Variants in ZNF534 observed in about 807,000 individuals in gnomAD.
ZNF534 encodes zinc finger protein 534.
In ZNF534, 19 loss-of-function variants were observed where a neutral mutation model predicts 13.6. The ratio of observed to expected loss-of-function variants is 1.40; its 90% confidence interval spans 0.97 to 2.05. The LOEUF is 2.05. Among genes scored for constraint, ZNF534 ranks in the 30% most tolerant of loss-of-function variants. ZNF534 has a pLI of 0.00. For synonymous variants in ZNF534, 244 were observed against 273.8 expected (o/e 0.89, Z 1.07); for missense variants, 782 against 796.3 (o/e 0.98, Z 0.22).
At position 52,438,502 on chromosome 19, in the gene ZNF534, C is replaced by G; in HGVS notation, c.1042C>G (p.His348Asp). The change falls in exon 5 of 5, where the codon CAT becomes GAT. Residue 348 changes from histidine (H) to aspartate (D), a missense_variant. Coordinates refer to ENST00000433050, the MANE Select transcript of ZNF534 (RefSeq NM_001143938.3). ...KSSLTTHQTV[H>D]TGERPYKCNE... ...TTCCCTAACCACTCATCAGACAGTTCATACTGGAGAGAGACCATACAAATG... is the reference window on the plus strand; with the variant it reads ...TTCCCTAACCACTCATCAGACAGTTGATACTGGAGAGAGACCATACAAATG... The G allele has an allele frequency of 3.8e-6, 6 of 1,591,136 alleles. No homozygotes were observed. Among genetic ancestry groups the G allele is most frequent in the Non-Finnish European group, 3.4e-6 (4 of 1,167,978 alleles).
chr19:52,429,877 G>T (rs2059075576), intron 1 of ZNF534, among the ~76,000 whole-genome samples: 1 of 151,890 alleles, frequency 6.6e-6, no homozygotes, highest in Admixed American at 6.6e-5. Flanking sequence ...TTACAGGCAT[G>T]AGCCACCGTA....
In ZNF534 at chr19:52,439,029, T is replaced by C. The variant is rs1164063881; in HGVS notation, c.1569T>C (p.Ser523=). 1 of 1,594,724 alleles carries C rather than the reference T, an allele frequency of 6.3e-7. No individual in the cohort carries two copies. The highest frequency in any genetic ancestry group is 8.5e-7 in the Non-Finnish European group (1 of 1,171,160). ...RDIHTGEKPY[S]CNECGKVFRR... ...TTCATACTGGAGAGAAGCCTTACAG[T>C]TGTAATGAATGTGGCAAGGTCTTCC... The change falls in exon 5 of 5, where the codon AGT becomes AGC. Residue 523 remains serine (S), a synonymous_variant. Transcript: ENST00000433050.
chr19:52,434,487 G>A lies in ZNF534; in HGVS notation c.142+406G>A, dbSNP rs112332340. Among the ~76,000 whole-genome samples the A allele has an allele frequency of 3.9e-3, 300 of 76,444 alleles. 3 individuals carry two copies. The highest frequency in any genetic ancestry group is 0.013 in the African/African-American group (241 of 19,268). 50.2% of individuals were successfully genotyped at this position (76,444 alleles called of 152,430 possible). A position where few individuals can be genotyped will look rare whatever the true frequency, so the allele number is the denominator to read the frequency against. On this transcript the variant is annotated intron_variant, in intron 3 of 4. Coordinates refer to ENST00000433050, the MANE Select transcript of ZNF534 (RefSeq NM_001143938.3). ...CTCAAAAAAAAAAAAAAAAAAAAAA[G>A]AAATGAAAAGCATTATGCTTTCTGA...
intron 1 of ZNF534, among the ~76,000 whole-genome samples, chr19:52,429,955 C>CT (rs796302296): frequency 0.035 from 5,120 of 144,674 alleles, 273 homozygotes; most frequent in African/African-American, 0.12. Context: ...TCATGTAACC[C>CT]TTTTTTTTTT....
intron 2 of ZNF534, among the ~76,000 whole-genome samples, chr19:52,433,212 C>T (rs1216508689): frequency 8.6e-6 from 1 of 116,474 alleles, no homozygotes; most frequent in Non-Finnish European, 1.6e-5. Context: ...GCACTCCAGT[C>T]TGGGAAACAG....
chr19:52,439,050 C>G lies in ZNF534; in HGVS notation c.1590C>G (p.Val530=), dbSNP rs769970468. The G allele has an allele frequency of 1.1e-5, 17 of 1,596,668 alleles. No homozygotes were observed. In the East Asian group the frequency reaches 2.5e-4, roughly 24 times the overall value. Residue 530 remains valine (V), a synonymous_variant, in exon 5 of 5, where the codon GTC becomes GTG. Transcript: ENST00000433050. ...KPYSCNECGK[V]FRRNSHLVRH... ...ACAGTTGTAATGAATGTGGCAAGGT[C>G]TTCCGTCGGAATTCACACCTTGTGC...
rs904223262 is a variant in ZNF534, at chr19:52,435,222, G to A, written c.271+13G>A. 6.3e-7 allele frequency: 1 copy of A among 1,597,794 alleles called. No homozygotes were observed. The highest frequency in any genetic ancestry group is 8.5e-7 in the Non-Finnish European group (1 of 1,173,222). On this transcript the variant is annotated intron_variant, in intron 4 of 4. Coordinates refer to ENST00000433050, the MANE Select transcript of ZNF534 (RefSeq NM_001143938.3). ...GGTGTGAACACAGGTGAGAGCTCAGGTGGGCAGAGTGGAGGCCCCATAATT... is the reference window on the plus strand; with the variant it reads ...GGTGTGAACACAGGTGAGAGCTCAGATGGGCAGAGTGGAGGCCCCATAATT...
downstream of ZNF534, among the ~76,000 whole-genome samples, chr19:52,443,288 T>C (rs751200444): frequency 6.6e-6 from 1 of 152,182 alleles, no homozygotes; most frequent in Non-Finnish European, 1.5e-5. Context: ...TTCTTATGTT[T>C]GGATGTCTAG....
Position 52,432,490 on chromosome 19 carries a change from T to C in ZNF534, c.15+1001T>C, listed in dbSNP as rs116906964. Among the ~76,000 whole-genome samples, 87 of 152,308 alleles carry C rather than the reference T, an allele frequency of 5.7e-4. 2 individuals carry two copies. The East Asian group carries it at 0.015, about 26-fold the overall frequency. ...TTAGTAAGATAGGAGCAGATTATTC[T>C]TTCATTGGCTTTTGTTGCTGTACCA... is the stretch of plus-strand genomic sequence containing the variant. On this transcript the variant is annotated intron_variant, in intron 2 of 4. Coordinates refer to ENST00000433050, the MANE Select transcript of ZNF534 (RefSeq NM_001143938.3).
At position 52,434,060 on chromosome 19, in the gene ZNF534, T is replaced by A; in HGVS notation, c.121T>A (p.Tyr41Asn). 6.2e-7 allele frequency: 1 copy of A among 1,614,142 alleles called. No homozygotes were observed. Among genetic ancestry groups the A allele is most frequent in the Non-Finnish European group, 8.5e-7 (1 of 1,180,028 alleles). The change falls in exon 3 of 5, where the codon TAC becomes AAC. Residue 41 changes from tyrosine (Y) to asparagine (N), a missense_variant. This residue lies in a region of ZNF534 where 81 missense variants were observed against 63.5 expected (regional missense o/e 1.28). Coordinates refer to ENST00000433050, the MANE Select transcript of ZNF534 (RefSeq NM_001143938.3). ...ATACAGGGACGTGATGTTAGAGAAC[T>A]ACAGGAACCTGGTCTCCCTAGGTGA... ...ALYRDVMLENYRNLVSLGICL... is the reference protein window; with the variant it reads ...ALYRDVMLENNRNLVSLGICL...
chr19:52,430,748 A>G (rs552648938), intron 1 of ZNF534, among the ~76,000 whole-genome samples: 2 of 151,700 alleles, frequency 1.3e-5, no homozygotes, highest in South Asian at 4.2e-4. Flanking sequence ...GGGTTTCACC[A>G]TCTTGGCCAG....
At chr19:52,434,483 AAAAG>A (rs1365427084) in intron 3 of ZNF534, among the ~76,000 whole-genome samples, 14 of 145,988 alleles carry the variant, frequency 9.6e-5, no homozygotes, top group African/African-American at 3.8e-4. Flanking sequence ...AAAAAAAAAA[AAAAG>A]AAATGAAAAG....
chr19:52,432,697 A>G (rs2059095954), intron 2 of ZNF534, among the ~76,000 whole-genome samples: 1 of 151,840 alleles, frequency 6.6e-6, no homozygotes, highest in African/African-American at 2.4e-5. Flanking sequence ...CAATGATGCA[A>G]TCTCGGCTCA....
chr19:52,441,692 T>G lies in ZNF534; in HGVS notation c.*2246T>G, dbSNP rs2059173586. 6.6e-6 allele frequency among the ~76,000 whole-genome samples: 1 copy of G among 152,214 alleles called. No homozygotes were observed. The highest frequency in any genetic ancestry group is 1.5e-5 in the Non-Finnish European group (1 of 68,042). ...ATACTGCAGACAAACCTTACAACTG[T>G]AATGAATGTGGCAAGGTCTCAAATT... On this transcript the variant is annotated 3_prime_UTR_variant, in exon 5 of 5. Transcript: ENST00000433050.
chr19:52,451,915 G>T, exon 5 of ZNF534: 1 of 529,126 alleles, frequency 1.9e-6, no homozygotes, highest in South Asian at 1.9e-5. Flanking sequence ...AGGGGATCAG[G>T]AGGTTTTGGC....
rs2059171684 is a variant in ZNF534 at position 52,441,352 on chromosome 19, C to T, written c.*1906C>T. ...TAACATAAGGACAACTCCATCTCTA[C>T]AAATAATAAAAAATTAGCCAGGTGT... On this transcript the variant is annotated 3_prime_UTR_variant, in exon 5 of 5. Transcript: ENST00000433050. 6.6e-6 allele frequency among the ~76,000 whole-genome samples: 1 copy of T among 152,096 alleles called. No homozygotes were observed. The highest frequency in any genetic ancestry group is 1.5e-5 in the Non-Finnish European group (1 of 68,014).
intron 1 of ZNF534, 144 bp from the exon 2 acceptor site, chr19:52,431,264 T>A: frequency 3.1e-6 from 2 of 640,344 alleles, no homozygotes; most frequent in African/African-American, 1.8e-5. Context: ...AAAAACTCAC[T>A]TGTTGATTTT....
chr19:52,433,812 CATAACT>C (rs2122667792), intron 2 of ZNF534, 137 bp from the exon 3 acceptor site: 1 of 876,578 alleles, frequency 1.1e-6, no homozygotes, highest in South Asian at 1.4e-5. Context: ...ATCACAGACA[CATAACT>C]AGCTCAAGAA....
rs1221490248 is a variant in ZNF534, at chr19:52,441,803, TCAC to T, written c.*2361_*2363del. 1.3e-5 allele frequency among the ~76,000 whole-genome samples: 2 copies of T among 151,920 alleles called. No individual in the cohort carries two copies. The highest frequency in any genetic ancestry group is 2.9e-5 in the Non-Finnish European group (2 of 67,950). ...TAGAGAGAAACCTTACAAATACAAA[TCAC>T]CACATAATGGAGAGAAACCTTACAA... On this transcript the variant is annotated 3_prime_UTR_variant, in exon 5 of 5. Coordinates refer to ENST00000433050, the MANE Select transcript of ZNF534 (RefSeq NM_001143938.3).
Sources: allele counts gnomAD v4.1 joint callset (sites outside exome capture counted in the v4.1 genomes callset), GRCh38; gene constraint gnomAD v4.1.1; regional missense constraint gnomAD v4.1.1; transcripts MANE v1.5; gene names NCBI Gene and HGNC (gene_info 2026-07-23, HGNC 2026-07-21).